The following GRHL2 variants were observed in gnomAD, a reference collection of about 807,000 sequenced individuals.
GRHL2 encodes the protein grainyhead like transcription factor 2.
A neutral mutation model predicts 83.8 loss-of-function variants in GRHL2; 21 were observed. The ratio of observed to expected loss-of-function variants is 0.25; its 90% CI spans 0.18 to 0.36. GRHL2 has a LOEUF of 0.36. Among genes scored for constraint, GRHL2 ranks in the 10% least tolerant of loss-of-function variants. The pLI, the probability that GRHL2 is intolerant of heterozygous loss-of-function variation, is 1.00. For synonymous variants in GRHL2, 280 were observed against 278.9 expected (o/e 1.00, Z -0.04); for missense variants, 623 against 781.8 (o/e 0.80, Z 2.42).
At chr8:101,652,341 ATGTGTGTGG>A (rs1451995181) in intron 14 of GRHL2, among the ~76,000 whole-genome samples, 6 of 73,908 alleles carry the variant, frequency 8.1e-5, no homozygotes, top group East Asian at 4.2e-4. Flanking sequence ...GTGTGTGTGT[ATGTGTGTGG>A]TGTGTGTGGT....
chr8:101,657,312 G>C (rs1691304178), intron 14 of GRHL2, among the ~76,000 whole-genome samples: 1 of 152,150 alleles, frequency 6.6e-6, no homozygotes, highest in Admixed American at 6.5e-5. Flanking sequence ...GAATTGGTCT[G>C]TACCTTCTGC....
intron 1 of GRHL2, among the ~76,000 whole-genome samples, chr8:101,494,980 T>C (rs1029139900): frequency 3.3e-4 from 50 of 152,224 alleles, no homozygotes; most frequent in East Asian, 3.8e-4. Flanking sequence ...TTCTCTCTCA[T>C]TGGGCTGTTG....
intron 14 of GRHL2, among the ~76,000 whole-genome samples, chr8:101,653,278 T>C (rs1315738229): frequency 1.3e-5 from 2 of 152,154 alleles, no homozygotes; most frequent in African/African-American, 2.4e-5. Context: ...CTGAAAGTTA[T>C]ATAGACAGAA....
rs1216157993 is a variant in GRHL2, at chr8:101,666,773, G to C, written c.*70G>C. ...CTCCCTGAGAGAGACAGAAGCCCCA[G>C]CCCCAGAACCTGGAGACCCATCTCC... On this transcript the variant is annotated 3_prime_UTR_variant, in exon 16 of 16. Coordinates refer to ENST00000646743, the MANE Select transcript of GRHL2 (RefSeq NM_024915.4). 1.1e-6 allele frequency: 1 copy of C among 945,068 alleles called. No individual in the cohort carries two copies. The highest frequency in any genetic ancestry group is 2.4e-5 in the East Asian group (1 of 41,446). The allele number at this position is 945,068 out of a possible 1,614,324, so 58.5% of individuals were successfully genotyped here.
intron 9 of GRHL2, among the ~76,000 whole-genome samples, chr8:101,627,895 C>G (rs1218903146): frequency 6.6e-6 from 1 of 152,110 alleles, no homozygotes; most frequent in Non-Finnish European, 1.5e-5. Context: ...GGCCCTAACT[C>G]TTTTCAACTC....
chr8:101,555,519 A>G (rs1811472610), intron 3 of GRHL2, among the ~76,000 whole-genome samples: 2 of 152,170 alleles, frequency 1.3e-5, no homozygotes, highest in South Asian at 2.1e-4. Context: ...TTAACATTCC[A>G]TGCAATGTTT....
chr8:101,559,243 G>A (rs1290303386), intron 4 of GRHL2, among the ~76,000 whole-genome samples: 1 of 151,678 alleles, frequency 6.6e-6, no homozygotes, highest in African/African-American at 2.4e-5. Flanking sequence ...TGGACGCGGT[G>A]GCTCATGCCT....
chr8:101,538,744 C>T (rs1192325033), intron 1 of GRHL2, among the ~76,000 whole-genome samples: 1 of 152,184 alleles, frequency 6.6e-6, no homozygotes, highest in Non-Finnish European at 1.5e-5. Context: ...CATTTTTGCT[C>T]AGTGTACCAG....
intron 1 of GRHL2, among the ~76,000 whole-genome samples, chr8:101,542,383 C>T (rs564246796): frequency 2.0e-5 from 3 of 151,746 alleles, no homozygotes; most frequent in East Asian, 1.9e-4. Flanking sequence ...TGAGAACAGC[C>T]GTCTCTACTA....
At chr8:101,509,143 TTCCTTCCTTC>T (rs1396056281) in intron 1 of GRHL2, among the ~76,000 whole-genome samples, 55 of 79,702 alleles carry the variant, frequency 6.9e-4, no homozygotes, top group African/African-American at 1.5e-3. Flanking sequence ...CCTTCCTTCC[TTCCTTCCTTC>T]CTTCCTTTCT....
intron 14 of GRHL2, among the ~76,000 whole-genome samples, chr8:101,657,963 G>A (rs181189123): frequency 3.3e-5 from 5 of 152,332 alleles, no homozygotes; most frequent in Admixed American, 2.0e-4. Context: ...GGATTGTTGT[G>A]TGGGTGATCT....
chr8:101,615,221 T>C (rs1420420026), intron 8 of GRHL2, among the ~76,000 whole-genome samples: 1 of 152,230 alleles, frequency 6.6e-6, no homozygotes, highest in East Asian at 1.9e-4. Context: ...TATAGCATAT[T>C]GCCAGTAAGC....
At chr8:101,563,710 T>TTTTTTTTTTG (rs1203570214) in intron 4 of GRHL2, among the ~76,000 whole-genome samples, 1 of 109,938 alleles carries the variant, frequency 9.1e-6, no homozygotes, top group African/African-American at 4.2e-5. Flanking sequence ...AGCAAACTTA[T>TTTTTTTTTTG]TTTTTTTTTG....
At chr8:101,555,394 T>C (rs922163458) in intron 3 of GRHL2, among the ~76,000 whole-genome samples, 3 of 152,174 alleles carry the variant, frequency 2.0e-5, no homozygotes, top group Admixed American at 2.0e-4. Context: ...GAACCTTTAC[T>C]GGGTTCATGA....
chr8:101,507,986 A>G (rs931649789), intron 1 of GRHL2, among the ~76,000 whole-genome samples: 2 of 151,876 alleles, frequency 1.3e-5, no homozygotes, highest in South Asian at 2.1e-4. Flanking sequence ...GGGTTTTGCT[A>G]TGTTGGCCAG....
chr8:101,675,202 T>C, the GRHL2 span, among the ~76,000 whole-genome samples: 15 of 152,170 alleles, frequency 9.9e-5, no homozygotes, highest in African/African-American at 3.6e-4. Context: ...TTGGAAGTTC[T>C]GGCCAGGGCA....
chr8:101,621,190 A>C (rs958124758), intron 9 of GRHL2, among the ~76,000 whole-genome samples: 2 of 152,202 alleles, frequency 1.3e-5, no homozygotes, highest in African/African-American at 4.8e-5. Flanking sequence ...ATCCCATACA[A>C]TGTTTCATGA....
chr8:101,570,586 G>A (rs1811801657), intron 5 of GRHL2, among the ~76,000 whole-genome samples, 192 bp downstream of exon 5: 1 of 150,932 alleles, frequency 6.6e-6, no homozygotes, highest in Admixed American at 6.6e-5. Flanking sequence ...CAATTTTCTG[G>A]GACCTACACC....
the GRHL2 span, among the ~76,000 whole-genome samples, chr8:101,675,315 G>A: frequency 2.8e-4 from 42 of 152,036 alleles, no homozygotes; most frequent in Non-Finnish European, 4.6e-4. Flanking sequence ...AAACCCCATC[G>A]TCTCAGCTCA....
Sources: allele counts gnomAD v4.1 joint callset (sites outside exome capture counted in the v4.1 genomes callset), GRCh38; gene constraint gnomAD v4.1.1; transcripts MANE v1.5; gene names NCBI Gene and HGNC (gene_info 2026-07-23, HGNC 2026-07-21).